Variants in CASR observed in about 807,000 individuals in gnomAD.
CASR encodes calcium sensing receptor, also known as extracellular calcium-sensing receptor.
CASR carries 23 observed loss-of-function variants against 69.1 expected under a neutral mutation model. The ratio of observed to expected loss-of-function variants is 0.33; its 90% CI spans 0.24 to 0.47. The LOEUF is 0.47. Ranked by LOEUF, CASR falls within the 20% of genes least tolerant of loss-of-function variation. The pLI is 1.00. For synonymous variants in CASR, 541 were observed against 544.7 expected (o/e 0.99, Z 0.10); for missense variants, 924 against 1,356.1 (o/e 0.68, Z 5.00).
chr3:122,276,766 C>T (rs145230092), intron 5 of CASR, among the ~76,000 whole-genome samples: 3 of 152,316 alleles, frequency 2.0e-5, no homozygotes, highest in East Asian at 1.9e-4. Context: ...GCTTGTGTGT[C>T]TGAGTATCAC....
chr3:122,226,151 C>T (rs1040456779), intron 1 of CASR, among the ~76,000 whole-genome samples: 5 of 152,126 alleles, frequency 3.3e-5, no homozygotes, highest in African/African-American at 1.2e-4. Flanking sequence ...AGCCACGGAC[C>T]CTCACGGTGA....
In CASR at chr3:122,282,298, T is replaced by C. The variant is rs553224162; in HGVS notation, c.1732+62T>C. ...GTCCACTTCGGAGGCCTGGGGTCAGTGAAGCCCATGGAAGGGCTGGGCTGA... is the reference window on the plus strand; with the variant it reads ...GTCCACTTCGGAGGCCTGGGGTCAGCGAAGCCCATGGAAGGGCTGGGCTGA... On this transcript the variant is annotated intron_variant, in intron 6 of 6. Transcript: ENST00000639785. 6.2e-5 allele frequency: 95 copies of C among 1,544,134 alleles called. 1 individual carries two copies. In the African/African-American group the frequency reaches 1.0e-3, roughly 17 times the overall value.
In CASR at chr3:122,252,362, AGAAGGAAGGAAG is replaced by A. The variant is rs11273970; in HGVS notation, c.-242-1550_-242-1539del. Among the ~76,000 whole-genome samples the A allele has an allele frequency of 1.3e-3, 35 of 26,246 alleles. 1 individual carries two copies. The highest frequency in any genetic ancestry group is 5.0e-3 in the African/African-American group (32 of 6,394). The allele number at this position is 26,246 out of a possible 152,430, so 17.2% of individuals were successfully genotyped here. A position where few individuals can be genotyped will look rare whatever the true frequency, so the allele number is the denominator to read the frequency against. The stretch of plus-strand genomic sequence containing the variant: ...AAAGAAAGAAGAAAGAAAGAAAGAA[AGAAGGAAGGAAG>A]GAAGGAAGGAAGGAAGGAAGGAAGG... On this transcript the variant is annotated intron_variant, in intron 1 of 6. Transcript: ENST00000639785.
intron 4 of CASR, among the ~76,000 whole-genome samples, chr3:122,274,869 G>T (rs912274502): frequency 7.2e-5 from 11 of 152,320 alleles, no homozygotes; most frequent in African/African-American, 2.2e-4. Flanking sequence ...CACAAGGCTG[G>T]CCTCACATGA....
intron 1 of CASR, among the ~76,000 whole-genome samples, chr3:122,200,997 TTTTTTTTA>T (rs751369537): frequency 0.3 from 39,626 of 131,790 alleles, 5,254 homozygotes; most frequent in Non-Finnish European, 0.36. Context: ...TGCTTTTCTT[TTTTTTTTA>T]TTTTTTTTTT....
intron 1 of CASR, among the ~76,000 whole-genome samples, chr3:122,199,926 A>T (rs1204012017): frequency 6.6e-6 from 1 of 151,756 alleles, no homozygotes; most frequent in Admixed American, 6.6e-5. Context: ...TTTGTTTTTG[A>T]GATGCAGTTT....
chr3:122,257,381 T>C lies in CASR; in HGVS notation c.486T>C (p.Ile162=), dbSNP rs776784152. Reference sequence around the variant, plus strand: ...CAAATCTGCTGGGGCTCTTCTACATTCCCCAGGTACTCAAGCCTTCTCAGG... The same window carrying C: ...CAAATCTGCTGGGGCTCTTCTACATCCCCCAGGTACTCAAGCCTTCTCAGG... ...AVANLLGLFY[I]PQVSYASSSR... The change falls in exon 3 of 7, where the codon ATT becomes ATC. Residue 162 remains isoleucine (I), a synonymous_variant. Coordinates refer to ENST00000639785, the MANE Select transcript of CASR (RefSeq NM_000388.4). 6.2e-7 allele frequency: 1 copy of C among 1,612,788 alleles called. No homozygotes were observed. The highest frequency in any genetic ancestry group is 2.2e-5 in the East Asian group (1 of 44,870).
intron 4 of CASR, among the ~76,000 whole-genome samples, chr3:122,263,131 C>A (rs1302971586): frequency 6.6e-6 from 1 of 152,186 alleles, no homozygotes; most frequent in Admixed American, 6.5e-5. Flanking sequence ...TCGGGTCTTG[C>A]ATATGTGCCT....
At chr3:122,188,589 A>G (rs976082349) in intron 1 of CASR, among the ~76,000 whole-genome samples, 1 of 152,198 alleles carries the variant, frequency 6.6e-6, no homozygotes, top group Non-Finnish European at 1.5e-5. Flanking sequence ...CATACCAAAT[A>G]TAATATCCAT....
At chr3:122,257,685 A>G in intron 3 of CASR, 1 of 278,804 alleles carries the variant, frequency 3.6e-6, no homozygotes, top group Non-Finnish European at 6.8e-6. Flanking sequence ...CCTTTAGTAA[A>G]TTTTTTTTCC....
chr3:122,231,907 C>G (rs1181621205), intron 1 of CASR, among the ~76,000 whole-genome samples: 1 of 152,184 alleles, frequency 6.6e-6, no homozygotes, highest in East Asian at 1.9e-4. Flanking sequence ...ACAGTCACCC[C>G]TGAGCCAAAG....
At chr3:122,232,349 C>G (rs2074286626) in intron 1 of CASR, among the ~76,000 whole-genome samples, 1 of 152,090 alleles carries the variant, frequency 6.6e-6, no homozygotes, top group African/African-American at 2.4e-5. Context: ...GAGAGTGAGG[C>G]CTGGAGAACC....
At chr3:122,240,650 A>T (rs2074370991) in intron 1 of CASR, among the ~76,000 whole-genome samples, 1 of 152,202 alleles carries the variant, frequency 6.6e-6, no homozygotes, top group Admixed American at 6.5e-5. Context: ...GCAAAGAAAC[A>T]TCAGACTTAA....
intron 1 of CASR, among the ~76,000 whole-genome samples, chr3:122,200,269 G>A (rs1182339294): frequency 6.6e-6 from 1 of 152,110 alleles, no homozygotes; most frequent in East Asian, 1.9e-4. Context: ...TGATGGATAT[G>A]CTAATTACCC....
intron 1 of CASR, among the ~76,000 whole-genome samples, chr3:122,188,286 C>T (rs114516118): frequency 1.1e-3 from 171 of 152,268 alleles, no homozygotes; most frequent in South Asian, 2.1e-3. Flanking sequence ...CTTGAGATAT[C>T]GTCAAAGTAG....
At chr3:122,272,459 T>C (rs2074771657) in intron 4 of CASR, among the ~76,000 whole-genome samples, 1 of 152,218 alleles carries the variant, frequency 6.6e-6, no homozygotes, top group Admixed American at 6.5e-5. Flanking sequence ...CCCATGCTGT[T>C]CCACTGTTTT....
At chr3:122,246,438 T>G (rs2107618096) in intron 1 of CASR, 1 of 152,360 alleles carries the variant, frequency 6.6e-6, no homozygotes, top group African/African-American at 2.4e-5. Flanking sequence ...TTTTGGTTTC[T>G]ATTTTAGCTA....
At position 122,280,923 on chromosome 3, in the gene CASR, T is replaced by C. The variant is rs113856695; in HGVS notation, c.1609-1190T>C. ...TGAGAAGTGCTCTCTACCTCTAAGA[T>C]ACATATGCTGTTGCAAAACGGACTT... On this transcript the variant is annotated intron_variant, in intron 5 of 6. Coordinates refer to ENST00000639785, the MANE Select transcript of CASR (RefSeq NM_000388.4). Among the ~76,000 whole-genome samples, 1,038 of 152,356 alleles carry C rather than the reference T, an allele frequency of 6.8e-3. 10 individuals are homozygous for C. The highest frequency in any genetic ancestry group is 0.024 in the African/African-American group (988 of 41,590).
At chr3:122,241,874 C>T (rs958558105) in intron 1 of CASR, among the ~76,000 whole-genome samples, 1 of 152,044 alleles carries the variant, frequency 6.6e-6, no homozygotes, top group African/African-American at 2.4e-5. Context: ...GATAGTTCAA[C>T]ATACACAAAT....
Sources: allele counts gnomAD v4.1 joint callset (sites outside exome capture counted in the v4.1 genomes callset), GRCh38; gene constraint gnomAD v4.1.1; transcripts MANE v1.5; gene names NCBI Gene and HGNC (gene_info 2026-07-23, HGNC 2026-07-21).